Variants in NREP observed in about 807,000 individuals in gnomAD.
NREP encodes the protein neuronal regeneration-related protein.
In NREP, 5 loss-of-function variants were observed where a neutral mutation model predicts 8.6. The ratio of observed to expected loss-of-function variants is 0.58; its 90% CI spans 0.30 to 1.22. The LOEUF is 1.22. NREP is among the 50% of genes most tolerant of loss of function. The pLI, the probability that NREP is intolerant of heterozygous loss-of-function variation, is 0.07. For synonymous variants in NREP, 27 were observed against 28.0 expected, an observed-to-expected ratio of 0.96 and a Z score of 0.11; for missense variants, 86 against 82.5, an observed-to-expected ratio of 1.04 and a Z score of -0.17.
intron 2 of NREP, among the ~76,000 whole-genome samples, chr5:111,863,187 A>T (rs1288624752): frequency 6.6e-6 from 1 of 152,022 alleles, no homozygotes; most frequent in Non-Finnish European, 1.5e-5. Flanking sequence ...GAGAGAGAGA[A>T]ACATGAAAAA....
chr5:111,852,913 T>C (rs757926136), intron 2 of NREP, among the ~76,000 whole-genome samples: 2 of 152,090 alleles, frequency 1.3e-5, no homozygotes, highest in Non-Finnish European at 2.9e-5. Flanking sequence ...TCCCTTAAAG[T>C]AGATAGAGTG....
intron 2 of NREP, among the ~76,000 whole-genome samples, chr5:111,952,154 C>G (rs967221995): frequency 2.0e-5 from 3 of 152,070 alleles, no homozygotes; most frequent in Non-Finnish European, 4.4e-5. Context: ...TTCCCAGAAG[C>G]CTTTGTCAAG....
rs79663511 is a variant in NREP at position 111,906,726 on chromosome 5, G to C, written c.135+68548C>G. ...TTAGCTTTTCTAATAGGTGTGTAGT[G>C]AACTCACTGCTGTTTTAATTTGCAT... On this transcript the variant is annotated intron_variant, in intron 2 of 3. Coordinates refer to the NREP transcript ENST00000395634. 6.6e-3 allele frequency among the ~76,000 whole-genome samples: 1,008 copies of C among 152,060 alleles called. 35 individuals are homozygous for C. The highest frequency in any genetic ancestry group is 0.045 in the East Asian group (230 of 5,156).
intron 2 of NREP, among the ~76,000 whole-genome samples, chr5:111,825,084 A>G (rs996005388): frequency 1.1e-4 from 17 of 152,208 alleles, no homozygotes; most frequent in Non-Finnish European, 1.9e-4. Context: ...GCAGTTATGT[A>G]GACTCTATTT....
chr5:111,883,158 A>G (rs1479988372), intron 2 of NREP, among the ~76,000 whole-genome samples: 2 of 152,226 alleles, frequency 1.3e-5, no homozygotes, highest in African/African-American at 2.4e-5. Flanking sequence ...GAAAACAAAA[A>G]AAGGCAGGGG....
At chr5:111,934,494 A>G (rs1755628167) in intron 2 of NREP, among the ~76,000 whole-genome samples, 1 of 152,110 alleles carries the variant, frequency 6.6e-6, no homozygotes, top group South Asian at 2.1e-4. Flanking sequence ...TCTTTCTCTT[A>G]GAAAAATGGG....
chr5:111,868,904 T>C (rs549780820), intron 2 of NREP, among the ~76,000 whole-genome samples: 30 of 152,278 alleles, frequency 2.0e-4, no homozygotes, highest in Non-Finnish European at 3.7e-4. Context: ...TTCCTAAGGA[T>C]TTAGCAACAT....
chr5:111,771,763 C>CA (rs367581931), intron 2 of NREP, among the ~76,000 whole-genome samples: 2,373 of 62,694 alleles, frequency 0.038, 41 homozygotes, highest in African/African-American at 0.092. Context: ...AACTCCATCT[C>CA]AAAAAAAAAA....
chr5:111,869,244 C>T (rs1196489130), intron 2 of NREP, among the ~76,000 whole-genome samples: 1 of 152,148 alleles, frequency 6.6e-6, no homozygotes, highest in Non-Finnish European at 1.5e-5. Context: ...TCAGAGGAAG[C>T]AAGCGAAGCC....
chr5:111,811,003 C>A (rs1752257178), intron 2 of NREP, among the ~76,000 whole-genome samples: 1 of 152,090 alleles, frequency 6.6e-6, no homozygotes. Flanking sequence ...ATAAAAAAAA[C>A]AAGGAGCTTT....
intron 2 of NREP, among the ~76,000 whole-genome samples, chr5:111,956,464 G>A (rs1756322736): frequency 6.6e-6 from 1 of 151,108 alleles, no homozygotes; most frequent in Admixed American, 6.6e-5. Context: ...TAGTAAATTT[G>A]AAGAGACCTA....
intron 2 of NREP, among the ~76,000 whole-genome samples, chr5:111,852,564 C>A (rs539149544): frequency 5.3e-4 from 81 of 152,252 alleles, no homozygotes; most frequent in African/African-American, 1.4e-3. Flanking sequence ...ATGAGCAAAG[C>A]ATGCTATTGA....
chr5:111,733,966 A>T (rs191840880), intron 3 of NREP: 1 of 152,370 alleles, frequency 6.6e-6, no homozygotes, highest in African/African-American at 2.4e-5. Flanking sequence ...GAAAAAGAAC[A>T]AATAACACTA....
chr5:111,859,829 T>A (rs1273802460), intron 2 of NREP, among the ~76,000 whole-genome samples: 1 of 152,068 alleles, frequency 6.6e-6, no homozygotes, highest in Admixed American at 6.6e-5. Context: ...GCAATTCTGT[T>A]TCTTGGGGGG....
chr5:111,970,767 A>C (rs1284037798), intron 2 of NREP, among the ~76,000 whole-genome samples: 1 of 137,148 alleles, frequency 7.3e-6, no homozygotes, highest in Non-Finnish European at 1.5e-5. Context: ...CGGAGGTTGC[A>C]GTGAGTCGAA....
At chr5:111,898,305 G>A (rs1754562359) in intron 2 of NREP, among the ~76,000 whole-genome samples, 2 of 151,826 alleles carry the variant, frequency 1.3e-5, no homozygotes, top group African/African-American at 2.4e-5. Flanking sequence ...ATTCAGAGGT[G>A]GTAAAAAAAT....
At chr5:111,887,999 T>C (rs1754302824) in intron 2 of NREP, among the ~76,000 whole-genome samples, 1 of 152,176 alleles carries the variant, frequency 6.6e-6, no homozygotes, top group African/African-American at 2.4e-5. Context: ...ACTAAAATGA[T>C]TGTATTTTAC....
Position 111,798,753 on chromosome 5 carries a change from G to A in NREP, c.136-63246C>T, listed in dbSNP as rs866554454. ...TTCCATGGTGTGTGTGTGTGTGTGTGTGTGTGTGTGTGTGTGTGTGTGTAT... is the reference window on the plus strand; with the variant it reads ...TTCCATGGTGTGTGTGTGTGTGTGTATGTGTGTGTGTGTGTGTGTGTGTAT... On this transcript the variant is annotated intron_variant, in intron 2 of 3. Transcript: ENST00000395634. 1.3e-3 allele frequency among the ~76,000 whole-genome samples: 113 copies of A among 84,098 alleles called. No individual in the cohort carries two copies. The South Asian group carries it at 0.044, about 33-fold the overall frequency. The allele number at this position is 84,098 out of a possible 152,430, so 55.2% of individuals were successfully genotyped here.
rs62371561 is a variant in NREP at position 111,745,768 on chromosome 5, G to A, written c.3+10002C>T. Among the ~76,000 whole-genome samples the A allele has an allele frequency of 3.3e-5, 5 of 152,060 alleles. No homozygotes were observed. In the South Asian group the frequency reaches 8.3e-4, roughly 25 times the overall value. ...AGTGTTTTTGTTCCTCTCAGTTGAA[G>A]AATATAAACACTTTTCAGACAAGAG... is the stretch of plus-strand genomic sequence containing the variant. On this transcript the variant is annotated intron_variant, in intron 2 of 3. Transcript: ENST00000257435.
Sources: gnomAD v4.1 joint callset for allele counts (sites outside exome capture counted in the v4.1 genomes callset) on GRCh38, gnomAD v4.1.1 for gene constraint, MANE v1.5 for transcripts, NCBI Gene and HGNC (gene_info 2026-07-23, HGNC 2026-07-21) for gene names.